The following CSMD3 variants were observed in gnomAD, a reference collection of about 807,000 sequenced individuals.
CSMD3 encodes CUB and sushi domain-containing protein 3.
A neutral mutation model predicts 435.2 loss-of-function variants in CSMD3; 177 were observed. The ratio of observed to expected loss-of-function variants is 0.41; its 90% confidence interval spans 0.36 to 0.46. The LOEUF is 0.46. Ranked by LOEUF, CSMD3 falls within the 20% of genes least tolerant of loss-of-function variation. The pLI is 0.34. For synonymous variants in CSMD3, 1,656 were observed against 1,520.5 expected, an observed-to-expected ratio of 1.09 and a Z score of -2.07; for missense variants, 4,265 against 4,504.6, an observed-to-expected ratio of 0.95 and a Z score of 1.52.
chr8:112,864,664 T>A (rs2080925631), intron 10 of CSMD3, among the ~76,000 whole-genome samples: 1 of 151,986 alleles, frequency 6.6e-6, no homozygotes, highest in Non-Finnish European at 1.5e-5. Flanking sequence ...AAAAGACATA[T>A]AAGACAGAAG....
intron 16 of CSMD3, among the ~76,000 whole-genome samples, chr8:112,682,033 T>C (rs561248614): frequency 6.6e-6 from 1 of 152,262 alleles, no homozygotes; most frequent in East Asian, 1.9e-4. Flanking sequence ...TTAGCTTAAA[T>C]GTATTTATTA....
At chr8:113,084,516 A>C (rs1277939218) in intron 5 of CSMD3, among the ~76,000 whole-genome samples, 1 of 151,846 alleles carries the variant, frequency 6.6e-6, no homozygotes, top group Non-Finnish European at 1.5e-5. Flanking sequence ...TGCTAAAATG[A>C]CCATACAACC....
At chr8:113,174,026 A>G in intron 3 of CSMD3, 110 bp from the exon 4 acceptor site, 2 of 820,426 alleles carry the variant, frequency 2.4e-6, no homozygotes. Context: ...TTCTTTGGAG[A>G]AGAGTCACTG....
At chr8:112,933,812 T>C (rs1422003098) in intron 9 of CSMD3, among the ~76,000 whole-genome samples, 1 of 152,080 alleles carries the variant, frequency 6.6e-6, no homozygotes, top group Non-Finnish European at 1.5e-5. Context: ...AAGACAGTTT[T>C]GCCGTGGGAA....
intron 12 of CSMD3, among the ~76,000 whole-genome samples, chr8:112,820,212 A>C (rs2079490117): frequency 6.6e-6 from 1 of 152,166 alleles, no homozygotes; most frequent in Admixed American, 6.6e-5. Flanking sequence ...ACCAATAATA[A>C]AAAATATAGT....
chr8:112,316,363 A>C (rs1586748712), intron 47 of CSMD3, among the ~76,000 whole-genome samples: 1 of 151,924 alleles, frequency 6.6e-6, no homozygotes, highest in African/African-American at 2.4e-5. Flanking sequence ...TGATTTTCAA[A>C]AAATTTAAAA....
intron 13 of CSMD3, among the ~76,000 whole-genome samples, chr8:112,722,937 A>C (rs2076890449): frequency 6.6e-6 from 1 of 152,118 alleles, no homozygotes; most frequent in African/African-American, 2.4e-5. Context: ...TAAATTTATA[A>C]TAGGCCCAAA....
intron 3 of CSMD3, among the ~76,000 whole-genome samples, chr8:113,276,225 A>T (rs1350697954): frequency 2.6e-5 from 4 of 152,122 alleles, no homozygotes; most frequent in Non-Finnish European, 5.9e-5. Flanking sequence ...AAGCCTTTGA[A>T]GATATGATTA....
intron 6 of CSMD3, among the ~76,000 whole-genome samples, chr8:112,999,203 A>T (rs1263372854): frequency 6.6e-6 from 1 of 151,888 alleles, no homozygotes; most frequent in African/African-American, 2.4e-5. Context: ...AAAAAAAAAT[A>T]ATGCAAGGGA....
In CSMD3 at chr8:112,723,083, G is replaced by A. The variant is rs1315951490; in HGVS notation, c.1973-33033C>T. Among the ~76,000 whole-genome samples, 9 of 151,464 alleles carry A rather than the reference G, an allele frequency of 5.9e-5. No individual in the cohort carries two copies. In the East Asian group the frequency reaches 1.4e-3, roughly 23 times the overall value. Reference sequence around the variant, plus strand: ...CATTAAGGTATTGATAAAACGTAGTGTTAAATTGTCAGTTCAAAAATCTGA... The same window carrying A: ...CATTAAGGTATTGATAAAACGTAGTATTAAATTGTCAGTTCAAAAATCTGA... On this transcript the variant is annotated intron_variant, in intron 13 of 70. Coordinates refer to ENST00000297405, the MANE Select transcript of CSMD3 (RefSeq NM_198123.2).
chr8:112,623,789 T>C (rs1834267097), intron 22 of CSMD3, among the ~76,000 whole-genome samples: 1 of 152,070 alleles, frequency 6.6e-6, no homozygotes, highest in Admixed American at 6.6e-5. Flanking sequence ...CCATCATTTG[T>C]CTTAAAGAAA....
At chr8:112,290,274 A>G (rs1031518298) in intron 56 of CSMD3, among the ~76,000 whole-genome samples, 3 of 152,070 alleles carry the variant, frequency 2.0e-5, no homozygotes. Context: ...AGTATCATAC[A>G]GCACATGAGG....
intron 22 of CSMD3, among the ~76,000 whole-genome samples, chr8:112,602,605 C>G (rs1047009146): frequency 6.6e-6 from 1 of 150,666 alleles, no homozygotes; most frequent in Non-Finnish European, 1.5e-5. Context: ...AAATTAGTGT[C>G]TAACTTTTGA....
chr8:113,079,468 C>T (rs985976719), intron 5 of CSMD3, among the ~76,000 whole-genome samples: 1 of 151,744 alleles, frequency 6.6e-6, no homozygotes, highest in Non-Finnish European at 1.5e-5. Flanking sequence ...TTTTATCTTC[C>T]TAAGTAAAGA....
chr8:112,849,993 T>C (rs1433404695), intron 11 of CSMD3, among the ~76,000 whole-genome samples: 1 of 152,124 alleles, frequency 6.6e-6, no homozygotes, highest in East Asian at 1.9e-4. Flanking sequence ...TCTGACTCTA[T>C]TTCCTCATAT....
chr8:112,448,075 AC>A (rs1815821344), intron 32 of CSMD3, among the ~76,000 whole-genome samples: 1 of 152,102 alleles, frequency 6.6e-6, no homozygotes, highest in African/African-American at 2.4e-5. Context: ...GGTTGTTCAA[AC>A]AGCACCAATC....
chr8:112,647,544 G>A (rs1465614513), intron 19 of CSMD3, among the ~76,000 whole-genome samples: 1 of 152,110 alleles, frequency 6.6e-6, no homozygotes, highest in Non-Finnish European at 1.5e-5. Context: ...CTGATCTCAT[G>A]ATCCTCCCGC....
chr8:112,903,150 G>GTAAAAAA (rs763892704), intron 10 of CSMD3, among the ~76,000 whole-genome samples: 1 of 28,884 alleles, frequency 3.5e-5, no homozygotes. Flanking sequence ...GGCAGTCTTG[G>GTAAAAAA]CAAAAAAAAA....
intron 1 of CSMD3, among the ~76,000 whole-genome samples, chr8:113,345,664 T>A (rs901337048): frequency 6.6e-6 from 1 of 152,120 alleles, no homozygotes; most frequent in Non-Finnish European, 1.5e-5. Flanking sequence ...GGAAGACAAA[T>A]ACCTAGTCTT....
Sources: gnomAD v4.1 joint callset for allele counts (sites outside exome capture counted in the v4.1 genomes callset) on GRCh38, gnomAD v4.1.1 for gene constraint, MANE v1.5 for transcripts, NCBI Gene and HGNC (gene_info 2026-07-23, HGNC 2026-07-21) for gene names.